COL6A5: variants seen among roughly 807,000 people sequenced by gnomAD.
The protein encoded by COL6A5 is collagen alpha-5(VI) chain.
COL6A5 carries 48 observed loss-of-function variants against 65.6 expected under a neutral mutation model. The observed-to-expected ratio is 0.73, with a 90% confidence interval of 0.58 to 0.93. The LOEUF (loss-of-function observed/expected upper bound fraction) is 0.93, where lower values mean the gene tolerates loss of function less well. Ranked by LOEUF, COL6A5 falls within the 40% of genes least tolerant of loss-of-function variation. The probability of loss-of-function intolerance (pLI) is 0.00; values close to 1 mark genes in which losing one functional copy is unlikely to be tolerated. For synonymous variants in COL6A5, 291 were observed against 322.8 expected (o/e 0.90, Z 1.05); for missense variants, 914 against 928.3 (o/e 0.98, Z 0.20).
In COL6A5 at chr3:130,468,908, G is replaced by A. The variant is rs140892889; in HGVS notation, c.1660G>A (p.Val554Ile). The A allele has an allele frequency of 3.3e-4, 538 of 1,612,382 alleles. No individual in the cohort carries two copies. The African/African-American group carries it at 5.2e-3, about 16-fold the overall frequency. The change falls in exon 6 of 8, where the codon GTA becomes ATA. Residue 554 changes from valine to isoleucine, a missense_variant. By Grantham distance (29) the Val-to-Ile change is conservative. Coordinates refer to ENST00000512836, the Ensembl canonical transcript of COL6A5. ...TTTCCTCATAGATGCTTCCCAAAGA[G>A]TAGGAAGTGATGAGTTTAAGGAAGT... is the stretch of plus-strand genomic sequence containing the variant.
chr3:130,431,377 T>G (rs1413289313), upstream of COL6A5: 1 of 1,443,142 alleles, frequency 6.9e-7, no homozygotes, highest in East Asian at 2.5e-5. Flanking sequence ...TTTGCCTCTG[T>G]ATGAACCCAC....
chr3:130,471,314 T>G (rs368545097), intron 7 of COL6A5, among the ~76,000 whole-genome samples: 4 of 152,024 alleles, frequency 2.6e-5, no homozygotes, highest in African/African-American at 9.7e-5. Flanking sequence ...GTAACAATTT[T>G]AGAGCAGAAT....
chr3:130,471,945 G>T lies in COL6A5; in HGVS notation c.2328+978G>T. On this transcript the variant is annotated intron_variant, in intron 7 of 7. Transcript: ENST00000512836. Reference sequence around the variant, plus strand: ...AAAGAAGGTAATCGTGAGTACCATAGAGCTGAAGACCCTCAAGTACCTTTG... The same window carrying T: ...AAAGAAGGTAATCGTGAGTACCATATAGCTGAAGACCCTCAAGTACCTTTG... 1.3e-6 allele frequency: 2 copies of T among 1,531,410 alleles called. No individual in the cohort carries two copies. Among genetic ancestry groups the T allele is most frequent in the Non-Finnish European group, 1.7e-6 (2 of 1,144,370 alleles). The allele number at this position is 1,531,410 out of a possible 1,614,324, so 94.9% of individuals were successfully genotyped here.
chr3:130,438,874 T>C (rs1276654158), intron 1 of COL6A5, among the ~76,000 whole-genome samples: 1 of 152,134 alleles, frequency 6.6e-6, no homozygotes, highest in African/African-American at 2.4e-5. Flanking sequence ...TTACAGTGAG[T>C]ATTAAAGTAT....
intron 4 of COL6A5, among the ~76,000 whole-genome samples, chr3:130,384,328 A>G (rs1255063994): frequency 2.0e-5 from 3 of 152,044 alleles, no homozygotes; most frequent in Non-Finnish European, 4.4e-5. Flanking sequence ...TCCAAATGCA[A>G]CGATAGATCA....
intron 1 of COL6A5, among the ~76,000 whole-genome samples, chr3:130,354,034 A>G (rs1934824170): frequency 1.3e-5 from 2 of 151,934 alleles, no homozygotes. Flanking sequence ...GAAAGAGAGA[A>G]GTAGAGAAAG....
chr3:130,414,218 T>A, intron 22 of COL6A5, 87 bp downstream of exon 22: 1 of 1,073,462 alleles, frequency 9.3e-7, no homozygotes, highest in African/African-American at 1.6e-5. Context: ...TAAAAATAAA[T>A]AACTGAGAAT....
At chr3:130,370,865 A>G (rs1175997463) in intron 1 of COL6A5, among the ~76,000 whole-genome samples, 1 of 152,202 alleles carries the variant, frequency 6.6e-6, no homozygotes, top group African/African-American at 2.4e-5. Flanking sequence ...GCAAAGTGGG[A>G]ATTTGAGCTG....
chr3:130,429,450 A>G, upstream of COL6A5: 1 of 744,248 alleles, frequency 1.3e-6, no homozygotes, highest in East Asian at 3.0e-5. Flanking sequence ...GTCACTTAGG[A>G]ATTAGCCTCA....
chr3:130,379,372 G>A (rs566236588), intron 3 of COL6A5, 46 bp from the exon 4 acceptor site: 109 of 1,478,766 alleles, frequency 7.4e-5, no homozygotes, highest in East Asian at 4.0e-4. Flanking sequence ...TTTTCTCTCC[G>A]GGCCAGTGGT....
At chr3:130,388,745 C>CTAAGGAAGAGTTCCAGCT in exon 6 of COL6A5, 1 of 1,551,300 alleles carries the variant, frequency 6.4e-7, no homozygotes, top group South Asian at 1.2e-5. Context: ...AGTGATAAAA[C>CTAAGGAAGAGTTCCAGCT]TAAGGAAGAG....
At chr3:130,477,016 T>C (rs2107623126) in intron 7 of COL6A5, 1 of 1,171,626 alleles carries the variant, frequency 8.5e-7, no homozygotes, top group Non-Finnish European at 1.2e-6. Flanking sequence ...AATCACTGAG[T>C]TGTACTTTGT....
intron 22 of COL6A5, among the ~76,000 whole-genome samples, chr3:130,414,984 G>C (rs1937294798): frequency 6.6e-6 from 1 of 152,076 alleles, no homozygotes; most frequent in Admixed American, 6.5e-5. Context: ...GGGTGGATGT[G>C]GGGGTGGCAA....
upstream of COL6A5, among the ~76,000 whole-genome samples, chr3:130,428,476 A>G (rs1438633964): frequency 1.3e-5 from 2 of 152,156 alleles, no homozygotes; most frequent in Non-Finnish European, 2.9e-5. Flanking sequence ...GAAGGGCCCA[A>G]GTGATTAGCA....
intron 21 of COL6A5, among the ~76,000 whole-genome samples, chr3:130,413,784 C>A (rs1937254801): frequency 6.6e-6 from 1 of 150,944 alleles, no homozygotes; most frequent in South Asian, 2.1e-4. Context: ...CTGATAGATA[C>A]CTGGCAGACA....
At chr3:130,413,694 C>T (rs761067808) in intron 21 of COL6A5, 114 bp downstream of exon 21, 42 of 1,079,592 alleles carry the variant, frequency 3.9e-5, no homozygotes, top group Admixed American at 6.0e-5. Flanking sequence ...ATAGGAAGTG[C>T]CCAGTACTGG....
At chr3:130,433,477 C>T (rs1237931554) in intron 1 of COL6A5, among the ~76,000 whole-genome samples, 2 of 152,160 alleles carry the variant, frequency 1.3e-5, no homozygotes, top group Non-Finnish European at 2.9e-5. Flanking sequence ...TCTGCTCTTG[C>T]CAGATAATAA....
At chr3:130,430,691 C>T (rs948714626), upstream of COL6A5, among the ~76,000 whole-genome samples, 2 of 152,138 alleles carry the variant, frequency 1.3e-5, no homozygotes, top group African/African-American at 2.4e-5. Context: ...TCTTGGTTCC[C>T]GTTGCTTCCT....
chr3:130,447,397 T>C (rs1297816850), intron 4 of COL6A5, among the ~76,000 whole-genome samples: 1 of 152,162 alleles, frequency 6.6e-6, no homozygotes, highest in Non-Finnish European at 1.5e-5. Flanking sequence ...AGGGCAGCTG[T>C]GAACAATAAA....
Sources: allele counts gnomAD v4.1 joint callset (sites outside exome capture counted in the v4.1 genomes callset), GRCh38; gene constraint gnomAD v4.1.1; transcripts MANE v1.5; gene names NCBI Gene and HGNC (gene_info 2026-07-23, HGNC 2026-07-21).